The following STXBP3 variants were observed in gnomAD, a reference collection of about 807,000 sequenced individuals.
The protein encoded by STXBP3 is syntaxin-binding protein 3.
Under a neutral mutation model 85.7 loss-of-function variants are expected in STXBP3, and 41 were observed. The ratio of observed to expected loss-of-function variants is 0.48; its 90% confidence interval spans 0.37 to 0.62. The LOEUF (loss-of-function observed/expected upper bound fraction) is 0.62, where lower values mean the gene tolerates loss of function less well. Ranked by LOEUF, STXBP3 falls within the 20% of genes least tolerant of loss-of-function variation. The probability of loss-of-function intolerance (pLI) is 0.00; values close to 1 mark genes in which losing one functional copy is unlikely to be tolerated. For missense variants in STXBP3, 563 were observed against 703.1 expected, an observed-to-expected ratio of 0.80 and a Z score of 2.25; for synonymous variants, 229 against 231.7, an observed-to-expected ratio of 0.99 and a Z score of 0.10.
chr1:108,774,164 T>C (rs978502737), intron 7 of STXBP3, among the ~76,000 whole-genome samples: 1 of 152,132 alleles, frequency 6.6e-6, no homozygotes, highest in Non-Finnish European at 1.5e-5. Context: ...GAGTCATCCA[T>C]GTTTGTTGTG....
chr1:108,763,166 T>C (rs536921105), intron 6 of STXBP3, among the ~76,000 whole-genome samples: 1 of 152,346 alleles, frequency 6.6e-6, no homozygotes, highest in South Asian at 2.1e-4. Context: ...ATTTGATTCT[T>C]TGAGTATTAA....
chr1:108,791,260 A>C lies in STXBP3; in HGVS notation c.964-2322A>C, dbSNP rs79557180. On this transcript the variant is annotated intron_variant, in intron 11 of 18. Transcript: ENST00000370008. ...GTTTTCCTGAAGATAAACTGTGTTT[A>C]TTAATATTTTCTCTGTATCTTTGAT... is the stretch of plus-strand genomic sequence containing the variant. Among the ~76,000 whole-genome samples the C allele has an allele frequency of 2.4e-3, 366 of 152,270 alleles. 4 individuals are homozygous for C. Among genetic ancestry groups the C allele is most frequent in the Admixed American group, 5.2e-3 (79 of 15,296 alleles).
At chr1:108,798,114 G>T (rs769447900) in intron 15 of STXBP3, 31 bp from the exon 16 acceptor site, 1 of 1,521,276 alleles carries the variant, frequency 6.6e-7, no homozygotes, top group African/African-American at 1.4e-5. Flanking sequence ...AGAATTACTG[G>T]TTTTTAATTT....
Position 108,809,109 on chromosome 1 carries a change from A to G in STXBP3, c.*232A>G, listed in dbSNP as rs1663402757. On this transcript the variant is annotated 3_prime_UTR_variant, in exon 19 of 19. Coordinates refer to ENST00000370008, the MANE Select transcript of STXBP3 (RefSeq NM_007269.4). The stretch of plus-strand genomic sequence containing the variant: ...AAGAAATGTTAAAGTGCTTTCTAAA[A>G]GGAAATTTTTTCACCTTTGGAGGAG... 1 of 383,968 alleles carries G rather than the reference A, an allele frequency of 2.6e-6. No individual in the cohort carries two copies. Among genetic ancestry groups the G allele is most frequent in the African/African-American group, 2.1e-5 (1 of 46,906 alleles). 23.8% of individuals were successfully genotyped at this position (383,968 alleles called of 1,614,324 possible). A position where few individuals can be genotyped will look rare whatever the true frequency, so the allele number is the denominator to read the frequency against.
At chr1:108,753,418 A>AT (rs1661950183) in intron 3 of STXBP3, among the ~76,000 whole-genome samples, 9 of 146,150 alleles carry the variant, frequency 6.2e-5, no homozygotes, top group African/African-American at 1.5e-4. Flanking sequence ...TATATATATA[A>AT]AACAATTTTG....
intron 7 of STXBP3, among the ~76,000 whole-genome samples, chr1:108,775,885 G>A (rs904500557): frequency 2.0e-5 from 3 of 151,474 alleles, no homozygotes; most frequent in Non-Finnish European, 2.9e-5. Context: ...GAATAAATCC[G>A]ATATGTGTGT....
chr1:108,762,404 C>T (rs896945672), intron 6 of STXBP3, among the ~76,000 whole-genome samples: 5 of 151,928 alleles, frequency 3.3e-5, no homozygotes, highest in Admixed American at 6.6e-5. Flanking sequence ...ATAATGCTGG[C>T]TCTATGAAAT....
chr1:108,805,941 G>A (rs1663322274), intron 17 of STXBP3, among the ~76,000 whole-genome samples: 1 of 152,122 alleles, frequency 6.6e-6, no homozygotes, highest in South Asian at 2.1e-4. Flanking sequence ...ATCCTATACT[G>A]CAAGGCATTC....
chr1:108,784,873 A>G (rs1458385035), intron 11 of STXBP3, among the ~76,000 whole-genome samples: 4 of 152,250 alleles, frequency 2.6e-5, no homozygotes, highest in South Asian at 2.1e-4. Flanking sequence ...CCAAAATCCA[A>G]TAGGGCAGTC....
Position 108,798,232 on chromosome 1 carries a change from A to G in STXBP3, c.1444A>G (p.Met482Val). 1 of 1,607,240 alleles carries G rather than the reference A, an allele frequency of 6.2e-7. No individual in the cohort carries two copies. Among genetic ancestry groups the G allele is most frequent in the Non-Finnish European group, 8.5e-7 (1 of 1,177,618 alleles). ...GTGGACACCTTTTATCAAAGATATTATGGAGGTAAAAATCATTAAAATGTT... is the reference window on the plus strand; with the variant it reads ...GTGGACACCTTTTATCAAAGATATTGTGGAGGTAAAAATCATTAAAATGTT... ...SRWTPFIKDIMEDAIDNRLDS... is the reference protein window; with the variant it reads ...SRWTPFIKDIVEDAIDNRLDS... The change falls in exon 16 of 19, where the codon ATG (methionine) becomes GTG (valine). Residue 482 changes from methionine to valine, a missense_variant. Physicochemically the swap from Met to Val is conservative, Grantham distance 21 (BLOSUM62 1). Around this residue, in one of 3 missense-constraint regions of STXBP3, gnomAD observed 494 missense variants for 592.8 expected, o/e 0.83. Coordinates refer to ENST00000370008, the MANE Select transcript of STXBP3 (RefSeq NM_007269.4).
At chr1:108,771,619 T>G (rs372235263) in intron 6 of STXBP3, among the ~76,000 whole-genome samples, 397 of 20,166 alleles carry the variant, frequency 0.02, 27 homozygotes, top group Non-Finnish European at 0.027. Context: ...ATGATATATA[T>G]CTATATATCA....
intron 16 of STXBP3, 37 bp downstream of exon 16, chr1:108,798,274 C>T: frequency 5.3e-6 from 8 of 1,511,410 alleles, no homozygotes; most frequent in Non-Finnish European, 7.3e-6. Flanking sequence ...TACCTGAGTG[C>T]CCTCTTTAGA....
chr1:108,775,312 G>A (rs1226253433), intron 7 of STXBP3, among the ~76,000 whole-genome samples: 1 of 151,918 alleles, frequency 6.6e-6, no homozygotes, highest in East Asian at 1.9e-4. Flanking sequence ...CATAGTAGGT[G>A]TATATATTTA....
intron 11 of STXBP3, among the ~76,000 whole-genome samples, chr1:108,784,977 C>T (rs924898269): frequency 3.7e-4 from 57 of 152,330 alleles, no homozygotes; most frequent in African/African-American, 1.4e-3. Context: ...TGGCCCTAGG[C>T]AGCTCTGCCC....
chr1:108,772,110 CTA>C (rs1351249349), intron 6 of STXBP3, among the ~76,000 whole-genome samples: 13 of 113,830 alleles, frequency 1.1e-4, no homozygotes, highest in African/African-American at 3.7e-4. Context: ...TGATATCTAT[CTA>C]TATATCATAT....
At chr1:108,750,773 T>G (rs1023173529) in intron 1 of STXBP3, among the ~76,000 whole-genome samples, 1 of 152,210 alleles carries the variant, frequency 6.6e-6, no homozygotes, top group East Asian at 1.9e-4. Flanking sequence ...CCCACACTTC[T>G]GTCTGTCTTG....
chr1:108,782,674 A>G lies in STXBP3; in HGVS notation c.931A>G (p.Ile311Val). 1.9e-6 allele frequency: 3 copies of G among 1,609,226 alleles called. No individual in the cohort carries two copies. The highest frequency in any genetic ancestry group is 1.7e-5 in the Admixed American group (1 of 59,204). Reference protein sequence around the residue: ...LEEIPKLMKEISSTKKATEGK... With the variant: ...LEEIPKLMKEVSSTKKATEGK... ...GGAAATTCCCAAGCTTATGAAAGAA[A>G]TTTCATCAACAAAGAAAGCAACAGA... is the stretch of plus-strand genomic sequence containing the variant. Residue 311 changes from isoleucine to valine, a missense_variant, in exon 11 of 19, where the codon ATT (isoleucine) becomes GTT (valine). Around this residue, in one of 3 missense-constraint regions of STXBP3, gnomAD observed 494 missense variants for 592.8 expected, o/e 0.83. Coordinates refer to ENST00000370008, the MANE Select transcript of STXBP3 (RefSeq NM_007269.4).
At chr1:108,807,578 T>C (rs779852957) in intron 18 of STXBP3, 29 bp downstream of exon 18, 8 of 1,113,304 alleles carry the variant, frequency 7.2e-6, no homozygotes, top group African/African-American at 1.6e-5. Flanking sequence ...TCTTTTCTGT[T>C]TTTTTTTTTT....
chr1:108,806,757 A>AT (rs138513650), intron 17 of STXBP3, among the ~76,000 whole-genome samples: 52 of 151,228 alleles, frequency 3.4e-4, no homozygotes, highest in Non-Finnish European at 6.9e-4. Context: ...CCACTCTCTA[A>AT]TTTTTTTTTA....
Sources: gnomAD v4.1 joint callset for allele counts (sites outside exome capture counted in the v4.1 genomes callset) on GRCh38, gnomAD v4.1.1 for gene constraint, gnomAD v4.1.1 regional missense constraint, MANE v1.5 for transcripts, NCBI Gene and HGNC (gene_info 2026-07-23, HGNC 2026-07-21) for gene names.